CELF2: variants seen among roughly 807,000 people sequenced by gnomAD.
CELF2 encodes the protein CUGBP Elav-like family member 2, also known as CUG triplet repeat RNA-binding protein 2.
CELF2 carries 8 observed loss-of-function variants against 62.6 expected under a neutral mutation model. The ratio of observed to expected loss-of-function variants is 0.13; its 90% CI spans 0.07 to 0.23. The LOEUF is 0.23. CELF2 is among the 10% of genes least tolerant of loss of function. The pLI is 1.00. For synonymous variants in CELF2, 258 were observed against 250.0 expected (o/e 1.03, Z -0.30); for missense variants, 333 against 671.0 (o/e 0.50, Z 5.56).
At chr10:11,182,120 C>T (rs1169955562) in intron 2 of CELF2, among the ~76,000 whole-genome samples, 3 of 152,216 alleles carry the variant, frequency 2.0e-5, no homozygotes, top group Non-Finnish European at 4.4e-5. Flanking sequence ...CCAGCAAGGG[C>T]TCTGAGCCCT....
At chr10:10,767,908 A>C in the CELF2 span, among the ~76,000 whole-genome samples, 1 of 129,140 alleles carries the variant, frequency 7.7e-6, no homozygotes, top group African/African-American at 3.1e-5. Flanking sequence ...AGGCAGGAGA[A>C]TGGCGTGAAC....
chr10:11,105,470 C>G (rs2053156246), intron 1 of CELF2: 1 of 152,254 alleles, frequency 6.6e-6, no homozygotes, highest in South Asian at 2.1e-4. Flanking sequence ...TGCTCTTACC[C>G]TTCCAGAAGA....
intron 3 of CELF2, among the ~76,000 whole-genome samples, chr10:11,228,334 A>G (rs1159312189): frequency 6.6e-6 from 1 of 152,220 alleles, no homozygotes; most frequent in African/African-American, 2.4e-5. Flanking sequence ...ATCTCACATA[A>G]AAAACAAATA....
the CELF2 span, among the ~76,000 whole-genome samples, chr10:10,467,775 C>T: frequency 8.0e-4 from 122 of 152,054 alleles, 1 homozygote; most frequent in East Asian, 0.022. Flanking sequence ...GTTTTTGGTA[C>T]ATAGGTATTT....
intron 2 of CELF2, among the ~76,000 whole-genome samples, chr10:10,925,802 C>A (rs1373391700): frequency 6.6e-6 from 1 of 152,034 alleles, no homozygotes; most frequent in Non-Finnish European, 1.5e-5. Flanking sequence ...ATGAAACAAA[C>A]CCTCTGGCCT....
At chr10:10,825,368 C>T (rs1468353597) in intron 1 of CELF2, among the ~76,000 whole-genome samples, 2 of 152,102 alleles carry the variant, frequency 1.3e-5, no homozygotes, top group Non-Finnish European at 2.9e-5. Flanking sequence ...CGCCACCAAG[C>T]CCAGCTAATT....
chr10:10,737,929 C>G, the CELF2 span, among the ~76,000 whole-genome samples: 1 of 152,204 alleles, frequency 6.6e-6, no homozygotes, highest in Non-Finnish European at 1.5e-5. Context: ...GAAGAAAAGG[C>G]AAACTCTTTG....
At chr10:10,893,329 C>T (rs1431174858) in intron 1 of CELF2, among the ~76,000 whole-genome samples, 1 of 152,148 alleles carries the variant, frequency 6.6e-6, no homozygotes. Flanking sequence ...ATGGAAGTGC[C>T]ATGATACATG....
the CELF2 span, among the ~76,000 whole-genome samples, chr10:10,535,928 A>G: frequency 3.9e-5 from 6 of 152,270 alleles, no homozygotes; most frequent in South Asian, 1.2e-3. Flanking sequence ...TGTGGGATAA[A>G]TAGCCATGAT....
chr10:10,471,633 G>C, the CELF2 span, among the ~76,000 whole-genome samples: 1 of 151,266 alleles, frequency 6.6e-6, no homozygotes, highest in East Asian at 1.9e-4. Context: ...AATAATATTT[G>C]TCATTTGTAT....
At chr10:10,668,260 A>G in the CELF2 span, among the ~76,000 whole-genome samples, 1 of 152,058 alleles carries the variant, frequency 6.6e-6, no homozygotes, top group Non-Finnish European at 1.5e-5. Context: ...ATCACCCCAA[A>G]TTCTCCTCAG....
At chr10:10,597,353 ATTAT>A in the CELF2 span, among the ~76,000 whole-genome samples, 1 of 152,200 alleles carries the variant, frequency 6.6e-6, no homozygotes, top group African/African-American at 2.4e-5. Context: ...GAGAATATAG[ATTAT>A]TTGTTTGCTT....
chr10:10,464,547 A>G, the CELF2 span, among the ~76,000 whole-genome samples: 3 of 152,150 alleles, frequency 2.0e-5, no homozygotes, highest in Non-Finnish European at 4.4e-5. Context: ...TACGTGAAAA[A>G]CAAAGGCCAA....
In CELF2 at chr10:11,165,451, G is replaced by A. The variant is rs1430541294; in HGVS notation, c.75-35G>A. The A allele has an allele frequency of 1.3e-6, 2 of 1,582,740 alleles. No homozygotes were observed. The highest frequency in any genetic ancestry group is 8.6e-7 in the Non-Finnish European group (1 of 1,161,724). ...TTTTCTTCCTGTCCCTCATCGTGCCGCCCTAACTCTGGCTCCCGGTTCCGT... is the reference window on the plus strand; with the variant it reads ...TTTTCTTCCTGTCCCTCATCGTGCCACCCTAACTCTGGCTCCCGGTTCCGT... On this transcript the variant is annotated intron_variant, in intron 1 of 12. Coordinates refer to ENST00000633077, the MANE Select transcript of CELF2 (RefSeq NM_001326342.2). The surrounding 1 kb of genome is among the most constrained non-coding windows in gnomAD (Gnocchi z 7.4).
At chr10:10,734,660 G>C in the CELF2 span, among the ~76,000 whole-genome samples, 3 of 152,198 alleles carry the variant, frequency 2.0e-5, no homozygotes, top group Non-Finnish European at 4.4e-5. Flanking sequence ...AGTAACCCTA[G>C]AGGAGGTAAG....
upstream of CELF2, among the ~76,000 whole-genome samples, chr10:10,797,691 T>TGCCG (rs1182683709): frequency 6.6e-6 from 1 of 152,152 alleles, no homozygotes; most frequent in Non-Finnish European, 1.5e-5. Flanking sequence ...GATTTCAAGG[T>TGCCG]CGGCTACTTC....
rs531364697 is a variant in CELF2, at chr10:11,244,252, G to A, written c.355-4901G>A. 6.3e-4 allele frequency among the ~76,000 whole-genome samples: 96 copies of A among 152,390 alleles called. No homozygotes were observed. Among genetic ancestry groups the A allele is most frequent in the African/African-American group, 2.1e-3 (89 of 41,598 alleles). The stretch of plus-strand genomic sequence containing the variant: ...TAGGGAAGATTTCATTCAGGAGTGA[G>A]TAGATGGGCATTGTTTCTTTTTACT... On this transcript the variant is annotated intron_variant, in intron 3 of 12. Transcript: ENST00000633077. The surrounding 1 kb of genome is among the most constrained non-coding windows in gnomAD (Gnocchi z 4.2).
chr10:10,777,358 A>G, the CELF2 span, among the ~76,000 whole-genome samples: 1 of 152,092 alleles, frequency 6.6e-6, no homozygotes, highest in African/African-American at 2.4e-5. Flanking sequence ...TGAATTCATA[A>G]TCATCTTGTC....
chr10:10,487,179 A>ACAG, the CELF2 span, among the ~76,000 whole-genome samples: 3 of 152,158 alleles, frequency 2.0e-5, no homozygotes, highest in Non-Finnish European at 2.9e-5. Context: ...TCCTTTCAAG[A>ACAG]CAGCTCTTCT....
Sources: allele counts gnomAD v4.1 joint callset (sites outside exome capture counted in the v4.1 genomes callset), GRCh38; gene constraint gnomAD v4.1.1; non-coding constraint Gnocchi (gnomAD v3.1); transcripts MANE v1.5; gene names NCBI Gene and HGNC (gene_info 2026-07-23, HGNC 2026-07-21).